Variants in MYO9A observed in about 807,000 individuals in gnomAD.
MYO9A encodes the protein unconventional myosin-IXa.
Under a neutral mutation model 293.3 loss-of-function variants are expected in MYO9A, and 103 were observed. The observed-to-expected ratio is 0.35, with a 90% confidence interval of 0.30 to 0.41. The LOEUF (loss-of-function observed/expected upper bound fraction) is 0.41, where lower values mean the gene tolerates loss of function less well. Among genes scored for constraint, MYO9A ranks in the 10% least tolerant of loss-of-function variants. The pLI is 1.00. For synonymous variants in MYO9A, 1,001 were observed against 1,035.7 expected, an observed-to-expected ratio of 0.97 and a Z score of 0.64; for missense variants, 2,685 against 3,033.0, an observed-to-expected ratio of 0.89 and a Z score of 2.69.
At chr15:71,862,369 T>C in intron 33 of MYO9A, 131 bp downstream of exon 33, 1 of 680,930 alleles carries the variant, frequency 1.5e-6, no homozygotes, top group Non-Finnish European at 2.6e-6. Flanking sequence ...GTGAAGAGAG[T>C]ATAGCAAGAG....
chr15:71,845,461 G>A (rs2055344000), intron 39 of MYO9A, among the ~76,000 whole-genome samples: 1 of 152,182 alleles, frequency 6.6e-6, no homozygotes, highest in African/African-American at 2.4e-5. Context: ...AAAGATGCTG[G>A]GGTGTGATGA....
intron 11 of MYO9A, among the ~76,000 whole-genome samples, chr15:71,987,579 C>T (rs1463745690): frequency 6.6e-6 from 1 of 152,152 alleles, no homozygotes; most frequent in Non-Finnish European, 1.5e-5. Flanking sequence ...CAACCCCATC[C>T]TTTGTGTAAC....
At chr15:72,061,449 G>C (rs1453166771) in intron 1 of MYO9A, among the ~76,000 whole-genome samples, 1 of 152,060 alleles carries the variant, frequency 6.6e-6, no homozygotes, top group Non-Finnish European at 1.5e-5. Context: ...TGGGCCAGAA[G>C]GGAACCCATT....
chr15:71,922,425 A>ACTTATTT (rs1272704358), intron 18 of MYO9A, among the ~76,000 whole-genome samples: 7 of 152,248 alleles, frequency 4.6e-5, no homozygotes, highest in Admixed American at 3.9e-4. Context: ...AAATCAGGCT[A>ACTTATTT]AATAAAATAT....
rs565343582 is a variant in MYO9A, at chr15:71,862,674, T to A, written c.5980-63A>T. On this transcript the variant is annotated intron_variant, in intron 32 of 41. Coordinates refer to ENST00000356056, the MANE Select transcript of MYO9A (RefSeq NM_006901.4). ...CACAGTAAATGCTGCCCTAACGTGGTGGGAAATCCTTCAATCTCTTGTTAA... is the reference window on the plus strand; with the variant it reads ...CACAGTAAATGCTGCCCTAACGTGGAGGGAAATCCTTCAATCTCTTGTTAA... The A allele has an allele frequency of 1.3e-4, 136 of 1,063,278 alleles. No individual in the cohort carries two copies. The African/African-American group carries it at 2.0e-3, about 15-fold the overall frequency. The allele number at this position is 1,063,278 out of a possible 1,614,324, so 65.9% of individuals were successfully genotyped here. A position where few individuals can be genotyped will look rare whatever the true frequency, so the allele number is the denominator to read the frequency against.
chr15:71,988,425 A>G (rs1197748313), intron 11 of MYO9A, among the ~76,000 whole-genome samples: 1 of 152,216 alleles, frequency 6.6e-6, no homozygotes, highest in Non-Finnish European at 1.5e-5. Context: ...GTAACACTAC[A>G]TAACTCGTAA....
At chr15:71,884,465 A>G (rs550480160) in intron 27 of MYO9A, among the ~76,000 whole-genome samples, 6 of 152,320 alleles carry the variant, frequency 3.9e-5, no homozygotes, top group Admixed American at 1.3e-4. Flanking sequence ...AGAACAGGTG[A>G]TAGTAACAAC....
intron 31 of MYO9A, among the ~76,000 whole-genome samples, chr15:71,877,509 G>C (rs369247380): frequency 1.3e-5 from 2 of 152,020 alleles, no homozygotes; most frequent in Admixed American, 1.3e-4. Context: ...CCAGGGTGAA[G>C]TGCAGTGGCG....
intron 1 of MYO9A, among the ~76,000 whole-genome samples, chr15:72,102,971 T>G (rs78473344): frequency 0.049 from 7,454 of 150,716 alleles, 304 homozygotes; most frequent in East Asian, 0.18. Flanking sequence ...TTATATATGG[T>G]TTTTTTTGTT....
At chr15:71,914,150 T>C (rs752490739) in intron 19 of MYO9A, among the ~76,000 whole-genome samples, 1 of 152,166 alleles carries the variant, frequency 6.6e-6, no homozygotes, top group African/African-American at 2.4e-5. Context: ...CCTCTACCTT[T>C]CTATCTCCAT....
intron 1 of MYO9A, among the ~76,000 whole-genome samples, chr15:72,101,327 G>A (rs376620135): frequency 0.011 from 1,586 of 144,086 alleles, 8 homozygotes; most frequent in Non-Finnish European, 0.016. Flanking sequence ...CGCCCCGTCC[G>A]GGAGGGAGGT....
At chr15:71,841,798 G>GT (rs1275519159) in intron 39 of MYO9A, among the ~76,000 whole-genome samples, 1,941 of 132,654 alleles carry the variant, frequency 0.015, 39 homozygotes, top group African/African-American at 0.052. Context: ...ACCAGGGGTA[G>GT]TTTTTTTTTT....
intron 1 of MYO9A, among the ~76,000 whole-genome samples, chr15:72,088,488 C>T (rs571318839): frequency 1.3e-5 from 2 of 152,262 alleles, no homozygotes; most frequent in South Asian, 2.1e-4. Context: ...TTAGTATTTA[C>T]CATTGTCAGA....
intron 39 of MYO9A, among the ~76,000 whole-genome samples, chr15:71,832,669 G>A (rs1468030771): frequency 6.6e-6 from 1 of 152,148 alleles, no homozygotes; most frequent in Non-Finnish European, 1.5e-5. Flanking sequence ...TCTCACACCA[G>A]CAGACCTGCA....
intron 12 of MYO9A, among the ~76,000 whole-genome samples, chr15:71,977,831 A>G (rs1370901761): frequency 6.6e-6 from 1 of 152,150 alleles, no homozygotes; most frequent in East Asian, 1.9e-4. Context: ...AGGTCAGGCG[A>G]TCGAGACCAT....
chr15:71,835,872 A>G (rs2054920364), intron 39 of MYO9A, among the ~76,000 whole-genome samples: 1 of 152,154 alleles, frequency 6.6e-6, no homozygotes, highest in African/African-American at 2.4e-5. Context: ...TAAATAAAAT[A>G]GTGGTGGTGT....
Position 71,901,312 on chromosome 15 carries a change from T to A in MYO9A, c.3029A>T (p.His1010Leu). The change falls in exon 23 of 42, where the codon CAC becomes CTC. Residue 1010 changes from histidine (H) to leucine (L), a missense_variant. Transcript: ENST00000356056. ...CTCTTGGTGAAGCAGATCTTGTAAG[T>A]GCTGTCGTTCCTGCTCCTTTAGAAA... is the stretch of plus-strand genomic sequence containing the variant. ...MVFLKEQERQ[H>L]LQDLLHQEVL... 6.2e-7 allele frequency: 1 copy of A among 1,613,610 alleles called. No individual in the cohort carries two copies. Among genetic ancestry groups the A allele is most frequent in the East Asian group, 2.2e-5 (1 of 44,850 alleles).
At chr15:72,055,856 C>T (rs949123258) in intron 1 of MYO9A, among the ~76,000 whole-genome samples, 3 of 152,162 alleles carry the variant, frequency 2.0e-5, no homozygotes, top group Admixed American at 1.3e-4. Flanking sequence ...CACTTTGACA[C>T]TGATGGTAGG....
chr15:71,870,695 T>G (rs1318265720), intron 32 of MYO9A, among the ~76,000 whole-genome samples: 1 of 152,222 alleles, frequency 6.6e-6, no homozygotes, highest in African/African-American at 2.4e-5. Flanking sequence ...TGCATATTAT[T>G]TAGACATATC....
Sources: gnomAD v4.1 joint callset for allele counts (sites outside exome capture counted in the v4.1 genomes callset) on GRCh38, gnomAD v4.1.1 for gene constraint, MANE v1.5 for transcripts, NCBI Gene and HGNC (gene_info 2026-07-23, HGNC 2026-07-21) for gene names.